The following CTNNA2 variants were observed in gnomAD, a reference collection of about 807,000 sequenced individuals.
CTNNA2 encodes catenin alpha-2.
A neutral mutation model predicts 101.0 loss-of-function variants in CTNNA2; 42 were observed. That is an observed-to-expected ratio of 0.42 (90% CI 0.32 to 0.54). The LOEUF is 0.54. Among genes scored for constraint, CTNNA2 ranks in the 20% least tolerant of loss-of-function variants. The probability of loss-of-function intolerance (pLI) is 0.14; values close to 1 mark genes in which losing one functional copy is unlikely to be tolerated. For synonymous variants in CTNNA2, 450 were observed against 456.4 expected (o/e 0.99, Z 0.18); for missense variants, 871 against 1,223.1 (o/e 0.71, Z 4.29).
intron 7 of CTNNA2, among the ~76,000 whole-genome samples, chr2:80,017,063 G>A (rs548027770): frequency 2.1e-4 from 32 of 152,252 alleles, no homozygotes; most frequent in African/African-American, 7.0e-4. Context: ...CAAAAACGTT[G>A]GGCCAACTGG....
intron 1 of CTNNA2, chr2:79,547,601 C>T (rs571615266): frequency 6.6e-6 from 1 of 152,240 alleles, no homozygotes; most frequent in African/African-American, 2.4e-5. Flanking sequence ...TAACATGAGA[C>T]CTCTGTATAT....
intron 4 of CTNNA2, among the ~76,000 whole-genome samples, chr2:79,383,222 G>A (rs1678059617): frequency 6.6e-6 from 1 of 152,136 alleles, no homozygotes; most frequent in Non-Finnish European, 1.5e-5. Flanking sequence ...ATACCTAAGA[G>A]ACAAGGATAA....
chr2:80,326,072 C>T (rs1182472178), intron 7 of CTNNA2, among the ~76,000 whole-genome samples: 1 of 152,032 alleles, frequency 6.6e-6, no homozygotes, highest in Non-Finnish European at 1.5e-5. Context: ...TAGAAGAAAC[C>T]CCATCATCAT....
intron 9 of CTNNA2, among the ~76,000 whole-genome samples, chr2:80,464,708 C>T (rs533313332): frequency 2.8e-4 from 43 of 152,210 alleles, no homozygotes; most frequent in African/African-American, 8.2e-4. Context: ...CACTTTGGGA[C>T]GAGACCTTGT....
At chr2:80,135,307 G>C (rs1177529553) in intron 7 of CTNNA2, among the ~76,000 whole-genome samples, 16 of 152,238 alleles carry the variant, frequency 1.1e-4, no homozygotes, top group Non-Finnish European at 2.9e-5. Flanking sequence ...CAAGGAGACA[G>C]ATGTCAGCGG....
chr2:79,954,673 A>C (rs746592409), intron 7 of CTNNA2, among the ~76,000 whole-genome samples: 1 of 152,218 alleles, frequency 6.6e-6, no homozygotes, highest in South Asian at 2.1e-4. Flanking sequence ...CTGTGAGTCA[A>C]CTACACTGTG....
At chr2:80,096,448 T>G (rs1001984976) in intron 7 of CTNNA2, among the ~76,000 whole-genome samples, 1 of 152,206 alleles carries the variant, frequency 6.6e-6, no homozygotes, top group Non-Finnish European at 1.5e-5. Flanking sequence ...TTGGAATAGG[T>G]GCGGTGTGGT....
At chr2:79,610,839 A>T (rs1678222779) in intron 1 of CTNNA2, among the ~76,000 whole-genome samples, 1 of 152,104 alleles carries the variant, frequency 6.6e-6, no homozygotes, top group Non-Finnish European at 1.5e-5. Flanking sequence ...TGTACACCTT[A>T]AATGTGTTCT....
At chr2:80,287,052 C>G (rs1674833019) in intron 7 of CTNNA2, among the ~76,000 whole-genome samples, 3 of 152,180 alleles carry the variant, frequency 2.0e-5, no homozygotes, top group Non-Finnish European at 4.4e-5. Flanking sequence ...ATGTCCTGAA[C>G]AGTCCAGAGT....
chr2:80,606,410 A>ACACACACC (rs1553407253), intron 16 of CTNNA2, among the ~76,000 whole-genome samples: 2 of 60,334 alleles, frequency 3.3e-5, no homozygotes, highest in South Asian at 3.5e-4. Context: ...ACACACACAC[A>ACACACACC]CACCCCCCAG....
chr2:80,353,438 T>C (rs1673500592), intron 7 of CTNNA2, among the ~76,000 whole-genome samples: 1 of 152,238 alleles, frequency 6.6e-6, no homozygotes, highest in South Asian at 2.1e-4. Flanking sequence ...TGTTAACTAT[T>C]CTCTCCTTTC....
Position 80,033,702 on chromosome 2 carries a change from G to A in CTNNA2, c.1056+123905G>A, listed in dbSNP as rs1261729897. Among the ~76,000 whole-genome samples, 5 of 152,134 alleles carry A rather than the reference G, an allele frequency of 3.3e-5. 1 individual carries two copies. The highest frequency in any genetic ancestry group is 3.3e-4 in the Admixed American group (5 of 15,276). On this transcript the variant is annotated intron_variant, in intron 7 of 18. Coordinates refer to ENST00000402739, the MANE Select transcript of CTNNA2 (RefSeq NM_001282597.3). Reference sequence around the variant, plus strand: ...ACAAATACCGTATAAGAAGATTAATGAAGTATCTATGGTTAGAAATTGAGA... The same window carrying A: ...ACAAATACCGTATAAGAAGATTAATAAAGTATCTATGGTTAGAAATTGAGA...
intron 4 of CTNNA2, among the ~76,000 whole-genome samples, chr2:79,864,128 A>G (rs1291639547): frequency 2.0e-5 from 3 of 152,230 alleles, no homozygotes; most frequent in Admixed American, 6.5e-5. Flanking sequence ...CCATATTTTC[A>G]TAGTGTTAGC....
intron 7 of CTNNA2, among the ~76,000 whole-genome samples, chr2:80,018,736 G>A (rs1380034246): frequency 2.7e-5 from 4 of 149,438 alleles, no homozygotes; most frequent in African/African-American, 5.0e-5. Flanking sequence ...AGCTAAGATC[G>A]TGCCACTGCA....
At chr2:79,662,690 C>T (rs1425442467) in intron 2 of CTNNA2, among the ~76,000 whole-genome samples, 7 of 152,160 alleles carry the variant, frequency 4.6e-5, no homozygotes, top group Non-Finnish European at 8.8e-5. Flanking sequence ...TGTCAACACA[C>T]TGGCTTATAT....
chr2:80,069,288 T>C (rs1175974061), intron 7 of CTNNA2, among the ~76,000 whole-genome samples: 1 of 152,214 alleles, frequency 6.6e-6, no homozygotes, highest in African/African-American at 2.4e-5. Context: ...CAAATGCTAA[T>C]CTATTCCGGA....
chr2:79,965,548 G>T (rs796885155), intron 7 of CTNNA2, among the ~76,000 whole-genome samples: 7 of 152,168 alleles, frequency 4.6e-5, no homozygotes, highest in African/African-American at 1.7e-4. Context: ...AACAAGCCAG[G>T]CTCGGTGGTT....
intron 7 of CTNNA2, among the ~76,000 whole-genome samples, chr2:80,330,064 C>G (rs533888537): frequency 6.6e-6 from 1 of 152,334 alleles, no homozygotes; most frequent in South Asian, 2.1e-4. Flanking sequence ...CCCTTCCTAC[C>G]AGAACCAAAT....
At chr2:79,420,751 A>T (rs551175186) in intron 4 of CTNNA2, among the ~76,000 whole-genome samples, 1 of 152,152 alleles carries the variant, frequency 6.6e-6, no homozygotes, top group African/African-American at 2.4e-5. Flanking sequence ...AACTATGTCA[A>T]TGGCGTTATC....
Sources: allele counts gnomAD v4.1 joint callset (sites outside exome capture counted in the v4.1 genomes callset), GRCh38; gene constraint gnomAD v4.1.1; transcripts MANE v1.5; gene names NCBI Gene and HGNC (gene_info 2026-07-23, HGNC 2026-07-21).